The following UBAP2L variants were observed in gnomAD, a reference collection of about 807,000 sequenced individuals.
UBAP2L encodes ubiquitin-associated protein 2-like.
Under a neutral mutation model 130.6 loss-of-function variants are expected in UBAP2L, and 12 were observed. The ratio of observed to expected loss-of-function variants is 0.09; its 90% CI spans 0.06 to 0.15. The LOEUF is 0.15. UBAP2L is among the 10% of genes least tolerant of loss of function. The pLI is 1.00. For synonymous variants in UBAP2L, 503 were observed against 524.7 expected (o/e 0.96, Z 0.57); for missense variants, 965 against 1,332.5 (o/e 0.72, Z 4.29).
chr1:154,233,832 T>TA (rs1389667099), intron 4 of UBAP2L, among the ~76,000 whole-genome samples: 2 of 148,772 alleles, frequency 1.3e-5, no homozygotes, highest in Non-Finnish European at 2.9e-5. Flanking sequence ...AATGATGCTA[T>TA]AAAAAGTTGT....
intron 2 of UBAP2L, 136 bp from the exon 3 acceptor site, chr1:154,227,146 C>T (rs1668220593): frequency 1.4e-6 from 1 of 715,600 alleles, no homozygotes. Flanking sequence ...ATTAAGCGTC[C>T]TAAATGGTGC....
intron 10 of UBAP2L, among the ~76,000 whole-genome samples, chr1:154,244,065 C>T (rs1216313917): frequency 2.6e-5 from 4 of 152,206 alleles, no homozygotes; most frequent in South Asian, 2.1e-4. Context: ...AGCTAATAAA[C>T]GTTTTAGAAT....
At position 154,237,610 on chromosome 1, in the gene UBAP2L, A is replaced by G. The variant is rs2148668276; in HGVS notation, c.703+474A>G. ...AACAAGGCCTAGAATCAAAGTCCACACTATCCATTTATTTGTTTTCTGTTA... is the reference window on the plus strand; with the variant it reads ...AACAAGGCCTAGAATCAAAGTCCACGCTATCCATTTATTTGTTTTCTGTTA... On this transcript the variant is annotated intron_variant, in intron 8 of 26. Coordinates refer to ENST00000428931, the MANE Select transcript of UBAP2L (RefSeq NM_014847.4). Among the ~76,000 whole-genome samples, 2 of 152,322 alleles carry G rather than the reference A, an allele frequency of 1.3e-5. 1 individual carries two copies. The highest frequency in any genetic ancestry group is 4.1e-4 in the South Asian group (2 of 4,830).
intron 1 of UBAP2L, among the ~76,000 whole-genome samples, chr1:154,222,440 A>G (rs1157384561): frequency 6.6e-6 from 1 of 152,252 alleles, no homozygotes; most frequent in African/African-American, 2.4e-5. Flanking sequence ...AGATTAGACT[A>G]TCTCAATGAT....
At chr1:154,260,513 T>C (rs1472257975) in intron 22 of UBAP2L, among the ~76,000 whole-genome samples, 1 of 152,206 alleles carries the variant, frequency 6.6e-6, no homozygotes, top group East Asian at 1.9e-4. Context: ...ATTGTCCTCA[T>C]TGACTTACCG....
At chr1:154,222,345 A>G (rs1226362710) in intron 1 of UBAP2L, among the ~76,000 whole-genome samples, 1 of 152,080 alleles carries the variant, frequency 6.6e-6, no homozygotes, top group Non-Finnish European at 1.5e-5. Context: ...AGATTAGACT[A>G]TCCCAATGAT....
At chr1:154,228,236 A>G (rs983520452) in intron 3 of UBAP2L, among the ~76,000 whole-genome samples, 1 of 150,800 alleles carries the variant, frequency 6.6e-6, no homozygotes, top group Non-Finnish European at 1.5e-5. Context: ...GGTCCAGGCT[A>G]GAGTGCAGTG....
chr1:154,243,174 A>G (rs1280301283), intron 9 of UBAP2L, 43 bp from the exon 10 acceptor site: 1 of 1,556,806 alleles, frequency 6.4e-7, no homozygotes, highest in Admixed American at 1.7e-5. Flanking sequence ...TTCTGACTGT[A>G]GCATCCCTGA....
chr1:154,267,906 T>TTTTTTTTTTTTTTTTTTTTTG, intron 25 of UBAP2L, among the ~76,000 whole-genome samples: 1 of 135,968 alleles, frequency 7.4e-6, no homozygotes, highest in Non-Finnish European at 1.6e-5. Context: ...TTTTTTTTTT[T>TTTTTTTTTTTTTTTTTTTTTG]GAGACGGAGT....
In UBAP2L at chr1:154,249,271, C is replaced by T. The variant is rs1422829549; in HGVS notation, c.1047C>T (p.Val349=). Residue 349 remains valine, a synonymous_variant, in exon 12 of 27, where the codon GTC becomes GTT. Coordinates refer to ENST00000428931, the MANE Select transcript of UBAP2L (RefSeq NM_014847.4). ...TGTTAGGGAAAGGATTTGGTGATGT[C>T]GGTGAAGCTAAAGGCGGCAGTACTA... The part of the protein sequence containing the change: ...VSMLGKGFGD[V]GEAKGGSTTG... 18 of 1,613,948 alleles carry T rather than the reference C, an allele frequency of 1.1e-5. No individual in the cohort carries two copies. The highest frequency in any genetic ancestry group is 1.7e-5 in the Admixed American group (1 of 59,984).
At chr1:154,253,876 G>T (rs755900782) in intron 14 of UBAP2L, 24 bp from the exon 15 acceptor site, 10 of 1,612,010 alleles carry the variant, frequency 6.2e-6, no homozygotes. Flanking sequence ...GTTTCTCTGA[G>T]ATTTTTCTCT....
chr1:154,257,668 C>T (rs1680084616), intron 20 of UBAP2L: 1 of 532,558 alleles, frequency 1.9e-6, no homozygotes. Flanking sequence ...CAGTTCAAAC[C>T]TGTGTTAAGG....
intron 8 of UBAP2L, among the ~76,000 whole-genome samples, chr1:154,237,381 A>G (rs1470476727): frequency 6.6e-6 from 1 of 152,220 alleles, no homozygotes; most frequent in Non-Finnish European, 1.5e-5. Context: ...ATCACTTTCC[A>G]GATGACAAAA....
intron 25 of UBAP2L, 83 bp from the exon 26 acceptor site, chr1:154,268,674 G>A: frequency 1.4e-6 from 2 of 1,394,714 alleles, no homozygotes; most frequent in Non-Finnish European, 2.0e-6. Flanking sequence ...CTTTCTGAGG[G>A]TCAGGGAGCT....
chr1:154,270,398 G>GCCC lies in UBAP2L; in HGVS notation c.*107_*109dup. ...GAAAGGAATGTGGGGGGTTTCCGCT[G>GCCC]CCCCCCACCCCCAGCGGCCCACCCC... On this transcript the variant is annotated 3_prime_UTR_variant, in exon 27 of 27. Transcript: ENST00000428931. 5 of 1,547,466 alleles carry GCCC rather than the reference G, an allele frequency of 3.2e-6. No individual in the cohort carries two copies. The highest frequency in any genetic ancestry group is 4.3e-6 in the Non-Finnish European group (5 of 1,150,414).
chr1:154,251,463 TCTC>T lies in UBAP2L; in HGVS notation c.1492-15_1492-13del, dbSNP rs779701844. 6 of 1,609,708 alleles carry T rather than the reference TCTC, an allele frequency of 3.7e-6. No homozygotes were observed. Among genetic ancestry groups the T allele is most frequent in the Admixed American group, 3.4e-5 (2 of 58,696 alleles). On this transcript the variant is annotated splice_polypyrimidine_tract_variant and intron_variant, in intron 13 of 26. Coordinates refer to ENST00000428931, the MANE Select transcript of UBAP2L (RefSeq NM_014847.4). ...TTGTATTAAAGCCATTACTTTCTCT[TCTC>T]CTTCAACTTTATAGATTCCTGCTCT...
intron 10 of UBAP2L, among the ~76,000 whole-genome samples, chr1:154,245,448 G>T (rs565281851): frequency 8.5e-5 from 13 of 152,168 alleles, no homozygotes; most frequent in Non-Finnish European, 1.6e-4. Context: ...TACGAAAATT[G>T]TGGGAAAAAA....
chr1:154,261,010 C>A lies in UBAP2L; in HGVS notation c.2697C>A (p.Asn899Lys), dbSNP rs1348076137. 6.2e-7 allele frequency: 1 copy of A among 1,614,222 alleles called. No homozygotes were observed. The change falls in exon 23 of 27, where the codon AAC becomes AAA. Residue 899 changes from asparagine (N) to lysine (K), a missense_variant. This residue lies in a region of UBAP2L where 194 missense variants were observed against 334.0 expected (regional missense o/e 0.58). Transcript: ENST00000428931. The part of the protein sequence containing the change: ...THHTTQQTFL[N>K]PALPPGYSYT... ...ATACCACGCAGCAGACATTCCTGAACCCGGCGCTGCCTCCTGGCTACAGTT... is the reference window on the plus strand; with the variant it reads ...ATACCACGCAGCAGACATTCCTGAAACCGGCGCTGCCTCCTGGCTACAGTT...
chr1:154,226,489 T>C (rs1667973863), intron 2 of UBAP2L, among the ~76,000 whole-genome samples: 1 of 152,236 alleles, frequency 6.6e-6, no homozygotes, highest in African/African-American at 2.4e-5. Context: ...TTCTTTCATC[T>C]GTGTTTTCAA....
Sources: allele counts gnomAD v4.1 joint callset (sites outside exome capture counted in the v4.1 genomes callset), GRCh38; gene constraint gnomAD v4.1.1; regional missense constraint gnomAD v4.1.1; transcripts MANE v1.5; gene names NCBI Gene and HGNC (gene_info 2026-07-23, HGNC 2026-07-21).